The following LTV1 variants were observed in gnomAD, a reference collection of about 807,000 sequenced individuals.
The protein encoded by LTV1 is LTV1 ribosome biogenesis factor, also known as protein LTV1 homolog.
A neutral mutation model predicts 59.9 loss-of-function variants in LTV1; 39 were observed. The ratio of observed to expected loss-of-function variants is 0.65; its 90% confidence interval spans 0.50 to 0.85. The LOEUF (loss-of-function observed/expected upper bound fraction) is 0.85, where lower values mean the gene tolerates loss of function less well. Among genes scored for constraint, LTV1 ranks in the 40% least tolerant of loss-of-function variants. The pLI is 0.00. For synonymous variants in LTV1, 171 were observed against 189.5 expected (o/e 0.90, Z 0.80); for missense variants, 493 against 549.1 (o/e 0.90, Z 1.02).
At chr6:143,844,387 CT>C in intron 1 of LTV1, 98 bp from the exon 2 acceptor site, 1 of 1,312,610 alleles carries the variant, frequency 7.6e-7, no homozygotes, top group African/African-American at 1.5e-5. Context: ...TAAAAAGTAT[CT>C]TTAACATGAC....
intron 7 of LTV1, among the ~76,000 whole-genome samples, 169 bp downstream of exon 7, chr6:143,860,722 G>A (rs968226070): frequency 5.3e-5 from 8 of 151,878 alleles, no homozygotes; most frequent in Non-Finnish European, 8.8e-5. Context: ...AAGATAGGGC[G>A]GAAAAAAGAA....
chr6:143,863,289 A>G lies in LTV1; in HGVS notation c.1317+3A>G, dbSNP rs751641484. 4 of 1,611,182 alleles carry G rather than the reference A, an allele frequency of 2.5e-6. No individual in the cohort carries two copies. The East Asian group carries it at 8.9e-5, about 36-fold the overall frequency. ...AAGCTATAAAAGAAGAGCGCAAGGT[A>G]AAATATATTTTTCAAATGTGAGATT... On this transcript the variant is annotated splice_donor_region_variant and intron_variant, in intron 10 of 10. Coordinates refer to ENST00000367576, the MANE Select transcript of LTV1 (RefSeq NM_032860.5). The surrounding 1 kb of genome is among the most constrained non-coding windows in gnomAD (Gnocchi z 4.5).
At chr6:143,851,944 G>A (rs1460532968) in intron 4 of LTV1, among the ~76,000 whole-genome samples, 1 of 152,166 alleles carries the variant, frequency 6.6e-6, no homozygotes, top group Non-Finnish European at 1.5e-5. Flanking sequence ...TGGTGTATAT[G>A]TGCCACATTT....
intron 6 of LTV1, 36 bp from the exon 7 acceptor site, chr6:143,860,390 G>A (rs1329534333): frequency 6.2e-7 from 1 of 1,600,192 alleles, no homozygotes; most frequent in Admixed American, 1.7e-5. Flanking sequence ...GAGTACATTT[G>A]CTTTTCATGG....
chr6:143,844,729 T>A, intron 2 of LTV1, 112 bp downstream of exon 2: 1 of 1,164,246 alleles, frequency 8.6e-7, no homozygotes, highest in Admixed American at 2.9e-5. Context: ...GGTCTCGAAC[T>A]CCTGGACTTA....
chr6:143,848,009 T>C (rs1776920749), intron 3 of LTV1, among the ~76,000 whole-genome samples: 1 of 152,206 alleles, frequency 6.6e-6, no homozygotes. Context: ...GGTGGTGCTG[T>C]TGTGGAAAGT....
At position 143,846,047 on chromosome 6, in the gene LTV1, A is replaced by G. The variant is rs1383169674; in HGVS notation, c.136-4A>G. The G allele has an allele frequency of 1.2e-6, 2 of 1,612,090 alleles. No individual in the cohort carries two copies. The highest frequency in any genetic ancestry group is 8.5e-7 in the Non-Finnish European group (1 of 1,179,410). On this transcript the variant is annotated splice_polypyrimidine_tract_variant and splice_region_variant and intron_variant, in intron 2 of 10. Coordinates refer to ENST00000367576, the MANE Select transcript of LTV1 (RefSeq NM_032860.5). Reference sequence around the variant, plus strand: ...AGAAAGTACTAATTCCATTTCGTTTATAGATAGACAATGAAGAAAGGCGAG... The same window carrying G: ...AGAAAGTACTAATTCCATTTCGTTTGTAGATAGACAATGAAGAAAGGCGAG...
chr6:143,843,598 C>A (rs1001741093), intron 1 of LTV1, 118 bp downstream of exon 1: 4 of 1,332,206 alleles, frequency 3.0e-6, no homozygotes, highest in South Asian at 1.3e-5. Flanking sequence ...AGGCTGCTTG[C>A]GGCACGGTAC....
chr6:143,847,001 G>A (rs1776905481), intron 3 of LTV1, among the ~76,000 whole-genome samples: 1 of 152,216 alleles, frequency 6.6e-6, no homozygotes, highest in South Asian at 2.1e-4. Context: ...TTTCCTTGGG[G>A]AAGATGTGAT....
intron 4 of LTV1, among the ~76,000 whole-genome samples, chr6:143,852,978 A>G (rs1777011581): frequency 6.6e-6 from 1 of 152,150 alleles, no homozygotes; most frequent in South Asian, 2.1e-4. Context: ...GTAGCCATGT[A>G]GTATAGTTTG....
chr6:143,855,049 T>TA lies in LTV1; in HGVS notation c.398-2251dup, dbSNP rs777441675. Among the ~76,000 whole-genome samples the TA allele has an allele frequency of 2.0e-5, 3 of 152,170 alleles. No homozygotes were observed. Among genetic ancestry groups the TA allele is most frequent in the Admixed American group, 6.5e-5 (1 of 15,282 alleles). On this transcript the variant is annotated intron_variant, in intron 4 of 10. Coordinates refer to ENST00000367576, the MANE Select transcript of LTV1 (RefSeq NM_032860.5). This position sits in a 1 kb window ranked among gnomAD's most constrained non-coding sequence, Gnocchi z 4.6. ...CTGTCTAATATTGACAGTGGGGTGT[T>TA]AAAGTCTCCCATTATTATTGTGTGG...
Position 143,863,517 on chromosome 6 carries a change from T to C in LTV1, c.1418T>C (p.Leu473Pro). The C allele has an allele frequency of 6.2e-7, 1 of 1,611,920 alleles. No individual in the cohort carries two copies. Among genetic ancestry groups the C allele is most frequent in the East Asian group, 2.2e-5 (1 of 44,832 alleles). ...LLNLKKNVEG[L>P]KL ...AACTTGAAGAAGAATGTTGAGGGTC[T>C]AAAGCTATAGACAGTGGAGCATACA... The change falls in exon 11 of 11, where the codon CTA becomes CCA. Residue 473 changes from leucine to proline, a missense_variant. Physicochemically the swap from Leu to Pro is moderately conservative, Grantham distance 98. Coordinates refer to ENST00000367576, the MANE Select transcript of LTV1 (RefSeq NM_032860.5). This position sits in a 1 kb window ranked among gnomAD's most constrained non-coding sequence, Gnocchi z 4.5.
intron 4 of LTV1, among the ~76,000 whole-genome samples, chr6:143,856,555 T>C (rs1777080009): frequency 6.6e-6 from 1 of 151,232 alleles, no homozygotes; most frequent in African/African-American, 2.5e-5. Context: ...TGCTGGTTTT[T>C]CCTCATCTTC....
chr6:143,851,424 G>A (rs200391973), intron 4 of LTV1, among the ~76,000 whole-genome samples: 1 of 70,484 alleles, frequency 1.4e-5, no homozygotes, highest in Non-Finnish European at 2.7e-5. Context: ...AAAATTGTTC[G>A]AGTTATTTTT....
At position 143,862,840 on chromosome 6, in the gene LTV1, T is replaced by G; in HGVS notation, c.1064-4T>G. On this transcript the variant is annotated splice_polypyrimidine_tract_variant and splice_region_variant and intron_variant, in intron 8 of 10. Coordinates refer to ENST00000367576, the MANE Select transcript of LTV1 (RefSeq NM_032860.5). This position sits in a 1 kb window ranked among gnomAD's most constrained non-coding sequence, Gnocchi z 4.2. Reference sequence around the variant, plus strand: ...TGATACATGACTTTTATTTGTTTGTTTAGGTACATACTCAAATTTATATAA... The same window carrying G: ...TGATACATGACTTTTATTTGTTTGTGTAGGTACATACTCAAATTTATATAA... The G allele has an allele frequency of 1.9e-6, 3 of 1,541,802 alleles. No individual in the cohort carries two copies. The highest frequency in any genetic ancestry group is 2.7e-6 in the Non-Finnish European group (3 of 1,114,510).
At chr6:143,858,226 T>G in intron 6 of LTV1, 1 of 531,496 alleles carries the variant, frequency 1.9e-6, no homozygotes, top group Non-Finnish European at 3.4e-6. Context: ...CATAGAACTG[T>G]GCAGAAGAAG....
rs1223426961 is a variant in LTV1 at position 143,855,154 on chromosome 6, G to C, written c.398-2149G>C. On this transcript the variant is annotated intron_variant, in intron 4 of 10. Transcript: ENST00000367576. The surrounding 1 kb of genome is among the most constrained non-coding windows in gnomAD (Gnocchi z 4.6). ...CCTGTATTAGGTGCATATATATTTA[G>C]GGTAGTTAGCTCTTCTTGTTGCATT... Among the ~76,000 whole-genome samples the C allele has an allele frequency of 6.6e-6, 1 of 152,198 alleles. No homozygotes were observed. The highest frequency in any genetic ancestry group is 2.1e-4 in the South Asian group (1 of 4,810).
rs1157673260 is a variant in LTV1, at chr6:143,862,596, A to G, written c.1064-248A>G. Among the ~76,000 whole-genome samples the G allele has an allele frequency of 1.3e-5, 2 of 150,498 alleles. No individual in the cohort carries two copies. The highest frequency in any genetic ancestry group is 2.9e-5 in the Non-Finnish European group (2 of 68,028). ...AGCAAAACTCTGTCTAAAAAAAAAC[A>G]TATATCAACTTTGAAAAAATACATA... On this transcript the variant is annotated intron_variant, in intron 8 of 10. Transcript: ENST00000367576. This position sits in a 1 kb window ranked among gnomAD's most constrained non-coding sequence, Gnocchi z 4.2.
Position 143,862,814 on chromosome 6 carries a change from C to G in LTV1, c.1064-30C>G. 7.3e-7 allele frequency: 1 copy of G among 1,365,386 alleles called. No individual in the cohort carries two copies. Among genetic ancestry groups the G allele is most frequent in the Non-Finnish European group, 1.0e-6 (1 of 954,078 alleles). The allele number at this position is 1,365,386 out of a possible 1,614,324, so 84.6% of individuals were successfully genotyped here. A position where few individuals can be genotyped will look rare whatever the true frequency, so the allele number is the denominator to read the frequency against. Reference sequence around the variant, plus strand: ...CTTTGTGGAACTGAAAACATGCTTACTGATACATGACTTTTATTTGTTTGT... The same window carrying G: ...CTTTGTGGAACTGAAAACATGCTTAGTGATACATGACTTTTATTTGTTTGT... On this transcript the variant is annotated intron_variant, in intron 8 of 10. Coordinates refer to ENST00000367576, the MANE Select transcript of LTV1 (RefSeq NM_032860.5). This position sits in a 1 kb window ranked among gnomAD's most constrained non-coding sequence, Gnocchi z 4.2.
Sources: allele counts gnomAD v4.1 joint callset (sites outside exome capture counted in the v4.1 genomes callset), GRCh38; gene constraint gnomAD v4.1.1; non-coding constraint Gnocchi (gnomAD v3.1); transcripts MANE v1.5; gene names NCBI Gene and HGNC (gene_info 2026-07-23, HGNC 2026-07-21).